Variants in TDRD7 observed in about 807,000 individuals in gnomAD.
The protein encoded by TDRD7 is tudor domain containing 7, also known as tudor domain-containing protein 7.
In TDRD7, 47 loss-of-function variants were observed where a neutral mutation model predicts 109.8. The ratio of observed to expected loss-of-function variants is 0.43; its 90% CI spans 0.34 to 0.55. The LOEUF (loss-of-function observed/expected upper bound fraction) is 0.55, where lower values mean the gene tolerates loss of function less well. Ranked by LOEUF, TDRD7 falls within the 20% of genes least tolerant of loss-of-function variation. The pLI, the probability that TDRD7 is intolerant of heterozygous loss-of-function variation, is 0.03. For synonymous variants in TDRD7, 424 were observed against 457.3 expected, an observed-to-expected ratio of 0.93 and a Z score of 0.93; for missense variants, 1,164 against 1,319.2, an observed-to-expected ratio of 0.88 and a Z score of 1.82.
Position 97,460,535 on chromosome 9 carries a change from A to G in TDRD7, c.1213A>G (p.Lys405Glu), listed in dbSNP as rs530610768. ...GNPQKAILYAKLPLPTDKIQK... is the reference protein window; with the variant it reads ...GNPQKAILYAELPLPTDKIQK... Reference sequence around the variant, plus strand: ...TCCCCAGAAGGCCATTCTCTATGCTAAACTTCCATTGCCCACTGACAAAAT... The same window carrying G: ...TCCCCAGAAGGCCATTCTCTATGCTGAACTTCCATTGCCCACTGACAAAAT... Residue 405 changes from lysine to glutamate, a missense_variant, in exon 7 of 17, where the codon AAA becomes GAA. Around this residue, in one of 5 missense-constraint regions of TDRD7, gnomAD observed 407 missense variants for 394.0 expected, o/e 1.03. Transcript: ENST00000355295. 1.2e-6 allele frequency: 2 copies of G among 1,614,248 alleles called. No individual in the cohort carries two copies. The highest frequency in any genetic ancestry group is 1.7e-5 in the Admixed American group (1 of 60,034).
At chr9:97,456,303 T>C (rs1405039166) in intron 6 of TDRD7, among the ~76,000 whole-genome samples, 1 of 152,208 alleles carries the variant, frequency 6.6e-6, no homozygotes, top group African/African-American at 2.4e-5. Flanking sequence ...TTGACATTCT[T>C]CACAGAATTA....
chr9:97,460,858 A>C (rs1333235813), intron 7 of TDRD7, 94 bp downstream of exon 7: 1 of 1,218,516 alleles, frequency 8.2e-7, no homozygotes, highest in South Asian at 1.3e-5. Flanking sequence ...GAAGAATAAT[A>C]TGGCCGGGTG....
chr9:97,429,451 G>C (rs117176875), intron 2 of TDRD7, among the ~76,000 whole-genome samples: 1 of 152,248 alleles, frequency 6.6e-6, no homozygotes, highest in East Asian at 1.9e-4. Context: ...GTGTAAATAT[G>C]TGGATCAGGT....
chr9:97,472,186 C>T (rs1312158953), intron 9 of TDRD7, 107 bp from the exon 10 acceptor site: 1 of 956,188 alleles, frequency 1.0e-6, no homozygotes, highest in Non-Finnish European at 1.7e-6. Flanking sequence ...AATAATTTTG[C>T]AGTAGGCTTA....
intron 15 of TDRD7, 66 bp from the exon 16 acceptor site, chr9:97,487,106 C>A (rs1829223651): frequency 2.0e-6 from 3 of 1,499,596 alleles, no homozygotes; most frequent in Non-Finnish European, 1.9e-6. Context: ...TAAAATATTT[C>A]TTGCCCTTAA....
At chr9:97,414,108 G>T (rs1289285621) in intron 1 of TDRD7, among the ~76,000 whole-genome samples, 2 of 152,144 alleles carry the variant, frequency 1.3e-5, no homozygotes, top group Non-Finnish European at 2.9e-5. Flanking sequence ...AAGTTCCTTG[G>T]TGAAATTTTA....
rs117835044 is a variant in TDRD7, at chr9:97,464,710, C to T, written c.1443-132C>T. 2.1e-3 allele frequency: 1,823 copies of T among 871,782 alleles called. 6 individuals carry two copies. Among genetic ancestry groups the T allele is most frequent in the Non-Finnish European group, 2.9e-3 (1,536 of 529,262 alleles). 54.0% of individuals were successfully genotyped at this position (871,782 alleles called of 1,614,324 possible). On this transcript the variant is annotated intron_variant, in intron 7 of 16. Transcript: ENST00000355295. ...TTTCACTGAATACACGTTCTCCTCCCTGTTGATATAAGCAAGTCTGAGACT... is the reference window on the plus strand; with the variant it reads ...TTTCACTGAATACACGTTCTCCTCCTTGTTGATATAAGCAAGTCTGAGACT...
chr9:97,466,590 T>C (rs1257908732), intron 8 of TDRD7, among the ~76,000 whole-genome samples: 1 of 152,208 alleles, frequency 6.6e-6, no homozygotes, highest in East Asian at 1.9e-4. Context: ...AGTTTATTCA[T>C]GTAGTAGAAC....
intron 1 of TDRD7, among the ~76,000 whole-genome samples, chr9:97,427,034 A>G (rs986865481): frequency 2.0e-5 from 3 of 152,242 alleles, no homozygotes; most frequent in Non-Finnish European, 4.4e-5. Context: ...GCTCAGAGCC[A>G]TATGTGGACA....
intron 1 of TDRD7, among the ~76,000 whole-genome samples, chr9:97,417,553 T>C (rs1352068996): frequency 6.6e-6 from 1 of 152,160 alleles, no homozygotes; most frequent in Non-Finnish European, 1.5e-5. Flanking sequence ...CATCTTTATG[T>C]ATCACATTGC....
chr9:97,447,014 A>T (rs544070754), intron 6 of TDRD7, among the ~76,000 whole-genome samples: 1 of 152,328 alleles, frequency 6.6e-6, no homozygotes, highest in East Asian at 1.9e-4. Flanking sequence ...TTTTAAATGG[A>T]ATCTAACTTA....
At position 97,470,566 on chromosome 9, in the gene TDRD7, T is replaced by A. The variant is rs772843479; in HGVS notation, c.1638T>A (p.Tyr546Ter). The A allele has an allele frequency of 1.2e-6, 2 of 1,613,014 alleles. No homozygotes were observed. Among genetic ancestry groups the A allele is most frequent in the African/African-American group, 2.7e-5 (2 of 74,912 alleles). ...GTGTTTTTAATCATTAGGTATGCTA[T>A]GTTGACTATGGTTTTAGTGAAAATG... ...STEENKIKVC[Y>*]VDYGFSENVE... The change falls in exon 9 of 17, where the codon TAT becomes TAA. Residue 546 changes from tyrosine to a stop codon, truncating the protein, a stop_gained. Coordinates refer to ENST00000355295, the MANE Select transcript of TDRD7 (RefSeq NM_014290.3). LOFTEE classifies it high-confidence loss of function.
chr9:97,489,254 C>G (rs938642787), intron 16 of TDRD7, among the ~76,000 whole-genome samples: 3 of 152,144 alleles, frequency 2.0e-5, no homozygotes, highest in Non-Finnish European at 4.4e-5. Context: ...AAATCTCTAC[C>G]TATCAGAGTG....
Position 97,475,487 on chromosome 9 carries a change from G to A in TDRD7, c.2166+18G>A, listed in dbSNP as rs752321519. Reference sequence around the variant, plus strand: ...GAGTAGAGGTAAAAATCAGTCACTTGGCTTTTTAATCTTAACTTATTGTGA... The same window carrying A: ...GAGTAGAGGTAAAAATCAGTCACTTAGCTTTTTAATCTTAACTTATTGTGA... On this transcript the variant is annotated intron_variant, in intron 12 of 16. Coordinates refer to ENST00000355295, the MANE Select transcript of TDRD7 (RefSeq NM_014290.3). The A allele has an allele frequency of 2.6e-6, 4 of 1,568,166 alleles. No individual in the cohort carries two copies. In the South Asian group the frequency reaches 3.3e-5, roughly 13 times the overall value.
At chr9:97,421,698 TTGTG>T (rs59218055) in intron 1 of TDRD7, among the ~76,000 whole-genome samples, 56,544 of 142,370 alleles carry the variant, frequency 0.4, 11,260 homozygotes, top group East Asian at 0.48. Flanking sequence ...TGCCCAGCTT[TTGTG>T]TGTGTGTGTG....
rs769277204 is a variant in TDRD7, at chr9:97,483,096, A to G, written c.2660A>G (p.Lys887Arg). ...AAGAACCTCACAGATGTCATCAAAA[A>G]GTCCATGGTGGACCATACGAGCGCT... ...FRKNLTDVIK[K>R]SMVDHTSAFS... The change falls in exon 15 of 17, where the codon AAG (lysine) becomes AGG (arginine). Residue 887 changes from lysine (K) to arginine (R), a missense_variant. Around this residue, in one of 5 missense-constraint regions of TDRD7, gnomAD observed 233 missense variants for 218.0 expected, o/e 1.07. Coordinates refer to ENST00000355295, the MANE Select transcript of TDRD7 (RefSeq NM_014290.3). 1.5e-5 allele frequency: 25 copies of G among 1,614,188 alleles called. No individual in the cohort carries two copies. The highest frequency in any genetic ancestry group is 1.9e-5 in the Non-Finnish European group (23 of 1,180,036).
intron 4 of TDRD7, among the ~76,000 whole-genome samples, chr9:97,438,135 A>G (rs1485220195): frequency 6.6e-6 from 1 of 152,114 alleles, no homozygotes; most frequent in Non-Finnish European, 1.5e-5. Context: ...AAGGAGTACT[A>G]TCTCCCTACC....
chr9:97,431,441 A>G lies in TDRD7; in HGVS notation c.349+367A>G, dbSNP rs1407493929. 2.0e-5 allele frequency among the ~76,000 whole-genome samples: 3 copies of G among 152,190 alleles called. No homozygotes were observed. The East Asian group carries it at 5.8e-4, about 29-fold the overall frequency. On this transcript the variant is annotated intron_variant, in intron 3 of 16. Coordinates refer to ENST00000355295, the MANE Select transcript of TDRD7 (RefSeq NM_014290.3). Reference sequence around the variant, plus strand: ...TTGACAAATTATGTCTTCTGGTAGAAAACCTCTAGTTTCAGAAATATATGA... The same window carrying G: ...TTGACAAATTATGTCTTCTGGTAGAGAACCTCTAGTTTCAGAAATATATGA...
intron 3 of TDRD7, 119 bp downstream of exon 3, chr9:97,431,193 CAG>C (rs1439513298): frequency 9.7e-6 from 14 of 1,442,566 alleles, no homozygotes; most frequent in African/African-American, 7.1e-5. Flanking sequence ...ATACATATGT[CAG>C]GGGAAAGATC....
Sources: gnomAD v4.1 joint callset for allele counts (sites outside exome capture counted in the v4.1 genomes callset) on GRCh38, gnomAD v4.1.1 for gene constraint, gnomAD v4.1.1 regional missense constraint, MANE v1.5 for transcripts, NCBI Gene and HGNC (gene_info 2026-07-23, HGNC 2026-07-21) for gene names.